The following KIF17 variants were observed in gnomAD, a reference collection of about 807,000 sequenced individuals.
The protein encoded by KIF17 is kinesin family member 17.
KIF17 carries 80 observed loss-of-function variants against 96.8 expected under a neutral mutation model. That is an observed-to-expected ratio of 0.83 (90% CI 0.69 to 1.00). The LOEUF is 1.00. Among genes scored for constraint, KIF17 ranks in the 50% least tolerant of loss-of-function variants. The pLI, the probability that KIF17 is intolerant of heterozygous loss-of-function variation, is 0.00. For synonymous variants in KIF17, 567 were observed against 587.5 expected (o/e 0.97, Z 0.51); for missense variants, 1,280 against 1,372.9 (o/e 0.93, Z 1.07).
chr1:20,685,206 C>A lies in KIF17; in HGVS notation c.2020-186G>T. On this transcript the variant is annotated intron_variant, in intron 9 of 14. Transcript: ENST00000400463. This position sits in a 1 kb window ranked among gnomAD's most constrained non-coding sequence, Gnocchi z 4.1. ...TGAGTTCTTACTGCCGCTATTCCCA[C>A]TGACACCCCCACGCTAGGAGGAAGG... 1.4e-6 allele frequency: 1 copy of A among 704,508 alleles called. No individual in the cohort carries two copies. Among genetic ancestry groups the A allele is most frequent in the South Asian group, 1.5e-5 (1 of 66,744 alleles). The allele number at this position is 704,508 out of a possible 1,614,324, so 43.6% of individuals were successfully genotyped here. A position where few individuals can be genotyped will look rare whatever the true frequency, so the allele number is the denominator to read the frequency against.
Position 20,682,849 on chromosome 1 carries a change from T to A in KIF17, c.2267A>T (p.Glu756Val). ...CTTCAGGTCCTTGTTCTTGGCCTGCTCTCCACCCACAACCTGCTGCTCCAA... is the reference window on the plus strand; with the variant it reads ...CTTCAGGTCCTTGTTCTTGGCCTGCACTCCACCCACAACCTGCTGCTCCAA... The part of the protein sequence containing the change: ...QLLEQQVVGG[E>V]QAKNKDLKEK... Residue 756 changes from glutamate to valine, a missense_variant, in exon 11 of 15, where the codon GAG (glutamate) becomes GTG (valine). By Grantham distance (121) the Glu-to-Val change is moderately radical. Transcript: ENST00000400463. The A allele has an allele frequency of 6.2e-7, 1 of 1,612,004 alleles. No homozygotes were observed.
chr1:20,688,026 G>A (rs1292704944), intron 7 of KIF17, 82 bp from the exon 8 acceptor site: 3 of 1,189,810 alleles, frequency 2.5e-6, no homozygotes, highest in African/African-American at 1.5e-5. Flanking sequence ...CAAGCCCAGT[G>A]TGTTGTTTTT....
chr1:20,713,343 G>C, intron 3 of KIF17, 111 bp downstream of exon 3: 2 of 703,854 alleles, frequency 2.8e-6, no homozygotes, highest in Non-Finnish European at 4.7e-6. Context: ...CCCGACTCTA[G>C]CCTCCCAGTG....
At chr1:20,705,451 T>C (rs2054324415) in intron 4 of KIF17, among the ~76,000 whole-genome samples, 1 of 152,182 alleles carries the variant, frequency 6.6e-6, no homozygotes, top group Non-Finnish European at 1.5e-5. Context: ...GGTTCCCCAT[T>C]AGGGTTTGTG....
chr1:20,717,550 TG>T lies in KIF17; in HGVS notation c.156del (p.Phe52LeufsTer110), dbSNP rs1416624247. 27 of 1,611,192 alleles carry T rather than the reference TG, an allele frequency of 1.7e-5. No individual in the cohort carries two copies. Among genetic ancestry groups the T allele is most frequent in the Non-Finnish European group, 2.3e-5 (27 of 1,179,392 alleles). Reference protein sequence around the residue: ...PGAADEPPKQFTFDGAYHVDH... With the variant: ...PGAADEPPKQXTFDGAYHVDH... ...TCCACGTGGTAGGCGCCGTCGAAGG[TG>T]AACTGCTTGGGCGGCTCGTCGGCGG... On this transcript the variant is annotated frameshift_variant, in exon 1 of 15. Coordinates refer to ENST00000400463, the MANE Select transcript of KIF17 (RefSeq NM_001122819.3). LOFTEE classifies it high-confidence loss of function.
In KIF17 at chr1:20,687,668, A is replaced by G; in HGVS notation, c.1658T>C (p.Phe553Ser). ...SLEETSVSEAFPGPEEPSNVE... is the reference protein window; with the variant it reads ...SLEETSVSEASPGPEEPSNVE... ...GTTGGAGGGCTCCTCAGGCCCAGGG[A>G]AAGCCTCGGACACAGAGGTTTCTTC... The change falls in exon 8 of 15, where the codon TTC becomes TCC. Residue 553 changes from phenylalanine to serine, a missense_variant. Transcript: ENST00000400463. The surrounding 1 kb of genome is among the most constrained non-coding windows in gnomAD (Gnocchi z 4.4). The G allele has an allele frequency of 6.2e-7, 1 of 1,614,168 alleles. No homozygotes were observed. The highest frequency in any genetic ancestry group is 1.6e-4 in the Middle Eastern group (1 of 6,062).
rs201625621 is a variant in KIF17, at chr1:20,704,591, G to T, written c.979C>A (p.Arg327Ser). 6.8e-6 allele frequency: 11 copies of T among 1,614,166 alleles called. No individual in the cohort carries two copies. In the Admixed American group the frequency reaches 1.8e-4, roughly 27 times the overall value. Residue 327 changes from arginine (R) to serine (S), a missense_variant, in exon 5 of 15, where the codon CGC becomes AGC. Transcript: ENST00000400463. The surrounding 1 kb of genome is among the most constrained non-coding windows in gnomAD (Gnocchi z 6.8). Reference protein sequence around the residue: ...NNYDETLSTLRYANRAKNIRN... With the variant: ...NNYDETLSTLSYANRAKNIRN... ...ATGTTCTTGGCCCGGTTGGCGTAGC[G>T]CAGCGTGCTGAGTGTCTCATCGTAG...
At chr1:20,712,680 A>ATATATATAATATAGATAATAT (rs2054474419) in intron 3 of KIF17, among the ~76,000 whole-genome samples, 5 of 29,072 alleles carry the variant, frequency 1.7e-4, no homozygotes, top group South Asian at 6.2e-4. Context: ...AGATAATATT[A>ATATATATAATATAGATAATAT]TCTATATATA....
Position 20,687,740 on chromosome 1 carries a change from G to A in KIF17, c.1586C>T (p.Pro529Leu). 1 of 1,614,196 alleles carries A rather than the reference G, an allele frequency of 6.2e-7. No individual in the cohort carries two copies. The highest frequency in any genetic ancestry group is 8.5e-7 in the Non-Finnish European group (1 of 1,180,034). The change falls in exon 8 of 15, where the codon CCC becomes CTC. Residue 529 changes from proline to leucine, a missense_variant. Physicochemically the swap from Pro to Leu is moderately conservative, Grantham distance 98. Transcript: ENST00000400463. The surrounding 1 kb of genome is among the most constrained non-coding windows in gnomAD (Gnocchi z 4.4). ...SRFAELPKVE[P>L]SKSEISLGSS... ...GCCCAGAGAAATCTCAGATTTGGAG[G>A]GTTCCACCTTGGGCAGCTCCGCAAA...
intron 4 of KIF17, among the ~76,000 whole-genome samples, chr1:20,706,108 G>A (rs776752464): frequency 6.6e-6 from 1 of 150,796 alleles, no homozygotes; most frequent in Non-Finnish European, 1.5e-5. Context: ...GTGTCCCTAT[G>A]TTGCCCAGGC....
At chr1:20,690,117 C>T in intron 7 of KIF17, 71 bp downstream of exon 7, 1 of 1,531,794 alleles carries the variant, frequency 6.5e-7, no homozygotes, top group Non-Finnish European at 9.0e-7. Context: ...CTCTGTGATG[C>T]AGTTACTGCA....
chr1:20,717,583 G>A lies in KIF17; in HGVS notation c.124C>T (p.Pro42Ser). 1 of 1,611,584 alleles carries A rather than the reference G, an allele frequency of 6.2e-7. No individual in the cohort carries two copies. Among genetic ancestry groups the A allele is most frequent in the South Asian group, 1.1e-5 (1 of 91,074 alleles). ...TTGGGCGGCTCGTCGGCGGCGCCCG[G>A]GTTCTGGATGCAGCACTGGGCGCGC... ...CARAQCCIQN[P>S]GAADEPPKQF... The change falls in exon 1 of 15, where the codon CCG becomes TCG. Residue 42 changes from proline (P) to serine (S), a missense_variant. Physicochemically the swap from Pro to Ser is moderately conservative, Grantham distance 74. Transcript: ENST00000400463.
intron 10 of KIF17, 39 bp from the exon 11 acceptor site, chr1:20,682,923 G>C: frequency 6.4e-7 from 1 of 1,563,168 alleles, no homozygotes; most frequent in Non-Finnish European, 8.7e-7. Flanking sequence ...GACAATATCT[G>C]CCCATCACCG....
chr1:20,681,039 T>C (rs1570442407), intron 11 of KIF17, among the ~76,000 whole-genome samples: 2 of 147,642 alleles, frequency 1.4e-5, no homozygotes, highest in Middle Eastern at 7.0e-3. Context: ...GGCAGGAGAA[T>C]GGCATGAACC....
chr1:20,691,905 A>G (rs1199579661), intron 6 of KIF17, among the ~76,000 whole-genome samples: 1 of 152,188 alleles, frequency 6.6e-6, no homozygotes, highest in Non-Finnish European at 1.5e-5. Flanking sequence ...CCCATCAATG[A>G]CAAAATATGT....
In KIF17 at chr1:20,685,650, T is replaced by C. The variant is rs1048161562; in HGVS notation, c.2019+396A>G. 2.0e-5 allele frequency among the ~76,000 whole-genome samples: 3 copies of C among 152,064 alleles called. No homozygotes were observed. The highest frequency in any genetic ancestry group is 7.2e-5 in the African/African-American group (3 of 41,414). ...AAACTGTCTTCTTCCTCTATAAATG[T>C]AGGGAGATTTAAAGCTTCCTCTCCT... On this transcript the variant is annotated intron_variant, in intron 9 of 14. Transcript: ENST00000400463. This position sits in a 1 kb window ranked among gnomAD's most constrained non-coding sequence, Gnocchi z 4.1.
chr1:20,684,882 T>C lies in KIF17; in HGVS notation c.2158A>G (p.Ser720Gly). The C allele has an allele frequency of 1.3e-6, 2 of 1,598,044 alleles. No homozygotes were observed. Among genetic ancestry groups the C allele is most frequent in the East Asian group, 2.3e-5 (1 of 43,910 alleles). The change falls in exon 10 of 15, where the codon AGC becomes GGC. Residue 720 changes from serine (S) to glycine (G), a missense_variant. Physicochemically the swap from Ser to Gly is moderately conservative, Grantham distance 56. Transcript: ENST00000400463. Reference protein sequence around the residue: ...LPATAGVKRESVGMEVAVLTD... With the variant: ...LPATAGVKREGVGMEVAVLTD... Reference sequence around the variant, plus strand: ...AGCACTGCCACCTCCATGCCCACGCTCTCCCTCTTCACACCAGCTGTGGCC... The same window carrying C: ...AGCACTGCCACCTCCATGCCCACGCCCTCCCTCTTCACACCAGCTGTGGCC...
chr1:20,704,733 G>A lies in KIF17; in HGVS notation c.837C>T (p.Asp279=), dbSNP rs142802323. 1.1e-4 allele frequency: 180 copies of A among 1,612,926 alleles called. 1 individual carries two copies. The highest frequency in any genetic ancestry group is 5.6e-4 in the African/African-American group (42 of 75,022). ...GGTAGGGGACGTGCTTACAGCGCCC[G>A]TCCACCAGCGCCGAGATGACATTGC... ...ALGNVISALV[D]GRCKHVPYRD... is the part of the protein sequence containing the mutation. Residue 279 remains aspartate, a synonymous_variant, in exon 5 of 15, where the codon GAC becomes GAT. Transcript: ENST00000400463. The surrounding 1 kb of genome is among the most constrained non-coding windows in gnomAD (Gnocchi z 6.8).
intron 6 of KIF17, among the ~76,000 whole-genome samples, chr1:20,695,564 C>A (rs1001382610): frequency 2.0e-5 from 3 of 152,158 alleles, no homozygotes; most frequent in African/African-American, 7.2e-5. Flanking sequence ...CAGCCCCAGT[C>A]CTACCCTTTA....
Sources: gnomAD v4.1 joint callset for allele counts (sites outside exome capture counted in the v4.1 genomes callset) on GRCh38, gnomAD v4.1.1 for gene constraint, Gnocchi (gnomAD v3.1) non-coding constraint, MANE v1.5 for transcripts, NCBI Gene and HGNC (gene_info 2026-07-23, HGNC 2026-07-21) for gene names.